The following VDAC1 variants were observed in gnomAD, a reference collection of about 807,000 sequenced individuals.
VDAC1 encodes non-selective voltage-gated ion channel VDAC1.
VDAC1 carries 10 observed loss-of-function variants against 34.7 expected under a neutral mutation model. The ratio of observed to expected loss-of-function variants is 0.29; its 90% confidence interval spans 0.18 to 0.49. VDAC1 has a LOEUF of 0.49. VDAC1 is among the 20% of genes least tolerant of loss of function. VDAC1 has a pLI of 0.99. For synonymous variants in VDAC1, 130 were observed against 136.0 expected, an observed-to-expected ratio of 0.96 and a Z score of 0.30; for missense variants, 230 against 347.9, an observed-to-expected ratio of 0.66 and a Z score of 2.69.
chr5:133,982,526 A>G (rs1752739488), intron 5 of VDAC1, among the ~76,000 whole-genome samples: 1 of 151,238 alleles, frequency 6.6e-6, no homozygotes, highest in Admixed American at 6.6e-5. Flanking sequence ...AAAAAAAAAA[A>G]AGAATTATAA....
intron 4 of VDAC1, 41 bp from the exon 5 acceptor site, chr5:133,990,948 G>A: frequency 6.2e-7 from 1 of 1,603,526 alleles, no homozygotes; most frequent in Non-Finnish European, 8.5e-7. Flanking sequence ...TAGTCACAAG[G>A]CAGGCTGGCA....
chr5:134,114,347 T>G, the VDAC1 span, among the ~76,000 whole-genome samples: 1 of 152,052 alleles, frequency 6.6e-6, no homozygotes, highest in Non-Finnish European at 1.5e-5. Context: ...ACACCACGGC[T>G]GCGATGGTAA....
chr5:134,065,928 G>T, the VDAC1 span, among the ~76,000 whole-genome samples: 21 of 150,884 alleles, frequency 1.4e-4, no homozygotes, highest in African/African-American at 5.1e-4. Context: ...CGAGTAGCTG[G>T]GATTACAGGC....
intron 5 of VDAC1, among the ~76,000 whole-genome samples, chr5:133,989,922 A>G (rs1269285210): frequency 2.0e-5 from 3 of 152,246 alleles, no homozygotes; most frequent in Non-Finnish European, 4.4e-5. Flanking sequence ...TCAGCCTCCC[A>G]AAGTGTTGGG....
the VDAC1 span, among the ~76,000 whole-genome samples, chr5:134,085,537 T>C: frequency 6.6e-6 from 1 of 151,390 alleles, no homozygotes; most frequent in South Asian, 2.1e-4. Context: ...TCTTACCTTA[T>C]CTGTAAAATG....
Position 133,975,982 on chromosome 5 carries a change from T to C in VDAC1, c.591A>G (p.Lys197=), listed in dbSNP as rs753360614. 2 of 1,614,010 alleles carry C rather than the reference T, an allele frequency of 1.2e-6. No homozygotes were observed. Among genetic ancestry groups the C allele is most frequent in the South Asian group, 2.2e-5 (2 of 91,076 alleles). ...GTEFGGSIYQ[K]VNKKLETAVN... is the part of the protein sequence containing the mutation. ...CAGCGGTCTCCAACTTCTTGTTCAC[T>C]TTCTGGTAAATGGAGCCGCCAAACT... The change falls in exon 7 of 9, where the codon AAA becomes AAG. Residue 197 remains lysine (K), a synonymous_variant. Transcript: ENST00000265333.
At chr5:134,011,612 G>A in the VDAC1 span, among the ~76,000 whole-genome samples, 3 of 148,490 alleles carry the variant, frequency 2.0e-5, no homozygotes, top group Non-Finnish European at 4.5e-5. Context: ...TGTGCCCAAT[G>A]TAATCCCAAG....
chr5:134,008,197 G>A (rs1328845785), upstream of VDAC1, among the ~76,000 whole-genome samples: 2 of 151,270 alleles, frequency 1.3e-5, no homozygotes, highest in Non-Finnish European at 2.9e-5. Flanking sequence ...GAGACCAGAT[G>A]AGAATTCCTG....
At chr5:134,050,242 C>T in the VDAC1 span, among the ~76,000 whole-genome samples, 4 of 152,160 alleles carry the variant, frequency 2.6e-5, no homozygotes, top group Admixed American at 1.3e-4. Context: ...AGCAAGACTC[C>T]GTCTAAAAGA....
At chr5:134,087,944 GT>G in the VDAC1 span, among the ~76,000 whole-genome samples, 3 of 149,384 alleles carry the variant, frequency 2.0e-5, no homozygotes, top group Admixed American at 2.0e-4. Context: ...GAGGTCAGGA[GT>G]TTTGAGACCA....
At chr5:134,089,807 T>C in the VDAC1 span, among the ~76,000 whole-genome samples, 1 of 152,246 alleles carries the variant, frequency 6.6e-6, no homozygotes, top group East Asian at 1.9e-4. Context: ...CTGGCCAACA[T>C]GGTGAAACCC....
chr5:134,036,746 G>A, the VDAC1 span, among the ~76,000 whole-genome samples: 2 of 151,870 alleles, frequency 1.3e-5, no homozygotes, highest in African/African-American at 4.8e-5. Flanking sequence ...GAGGTCAGGA[G>A]ATCGAGACCA....
chr5:133,985,694 G>A (rs1311370466), intron 5 of VDAC1, among the ~76,000 whole-genome samples: 4 of 152,144 alleles, frequency 2.6e-5, no homozygotes, highest in Admixed American at 6.6e-5. Context: ...CCTGCTCTTT[G>A]GGGAAAGAAG....
chr5:134,104,240 T>C, the VDAC1 span, among the ~76,000 whole-genome samples: 1 of 152,166 alleles, frequency 6.6e-6, no homozygotes, highest in Admixed American at 6.5e-5. Flanking sequence ...CCCTCATCCC[T>C]CATCTGTCTC....
the VDAC1 span, among the ~76,000 whole-genome samples, chr5:134,113,867 G>A: frequency 6.6e-6 from 1 of 152,234 alleles, no homozygotes; most frequent in African/African-American, 2.4e-5. Flanking sequence ...CTAGGGTTGA[G>A]TTGCTGTGGA....
chr5:134,000,464 T>C (rs889570459), intron 1 of VDAC1, among the ~76,000 whole-genome samples: 1 of 152,152 alleles, frequency 6.6e-6, no homozygotes, highest in African/African-American at 2.4e-5. Flanking sequence ...TGGCAGCCAG[T>C]ACACTATGGT....
At chr5:133,980,609 A>G in intron 6 of VDAC1, 120 bp downstream of exon 6, 1 of 854,180 alleles carries the variant, frequency 1.2e-6, no homozygotes, top group South Asian at 1.8e-5. Context: ...AACTCACTTT[A>G]CAGTGGTTAA....
chr5:134,055,590 T>TTTTGTTTTTTTTTTGTTTTTG, the VDAC1 span, among the ~76,000 whole-genome samples: 19 of 31,208 alleles, frequency 6.1e-4, no homozygotes, highest in African/African-American at 1.7e-3. Context: ...CCGCTAATGT[T>TTTTGTTTTTTTTTTGTTTTTG]TTTTTTTTTT....
the VDAC1 span, among the ~76,000 whole-genome samples, chr5:134,037,457 T>C: frequency 3.9e-5 from 6 of 152,156 alleles, no homozygotes; most frequent in Non-Finnish European, 7.4e-5. Context: ...GATTAATGGG[T>C]TTCCTGATCT....
Sources: gnomAD v4.1 joint callset for allele counts (sites outside exome capture counted in the v4.1 genomes callset) on GRCh38, gnomAD v4.1.1 for gene constraint, MANE v1.5 for transcripts, NCBI Gene and HGNC (gene_info 2026-07-23, HGNC 2026-07-21) for gene names.